MYOM1: variants seen among roughly 807,000 people sequenced by gnomAD.
MYOM1 encodes myomesin-1.
A neutral mutation model predicts 205.3 loss-of-function variants in MYOM1; 164 were observed. That is an observed-to-expected ratio of 0.80 (90% CI 0.70 to 0.91). MYOM1 has a LOEUF of 0.91. Ranked by LOEUF, MYOM1 falls within the 40% of genes least tolerant of loss-of-function variation. The pLI is 0.00. For synonymous variants in MYOM1, 772 were observed against 789.4 expected (o/e 0.98, Z 0.37); for missense variants, 2,011 against 2,127.3 (o/e 0.95, Z 1.08).
chr18:3,088,268 C>G (rs1383734617), intron 29 of MYOM1, among the ~76,000 whole-genome samples: 1 of 152,058 alleles, frequency 6.6e-6, no homozygotes, highest in Non-Finnish European at 1.5e-5. Flanking sequence ...AGGGGCCACG[C>G]AAATGAAGAA....
chr18:3,094,054 A>C (rs1314264315), intron 26 of MYOM1, 116 bp downstream of exon 26: 3 of 1,016,266 alleles, frequency 3.0e-6, no homozygotes, highest in Non-Finnish European at 4.3e-6. Flanking sequence ...GAAGGATTTA[A>C]ACTCTCCCAC....
At chr18:3,121,581 T>C (rs2079692079) in intron 19 of MYOM1, among the ~76,000 whole-genome samples, 1 of 152,130 alleles carries the variant, frequency 6.6e-6, no homozygotes, top group South Asian at 2.1e-4. Context: ...TTAAAAAGAA[T>C]TAAAACACAG....
chr18:3,118,261 C>A (rs2079634067), intron 20 of MYOM1, among the ~76,000 whole-genome samples: 1 of 152,144 alleles, frequency 6.6e-6, no homozygotes, highest in African/African-American at 2.4e-5. Flanking sequence ...GACTGAGAAG[C>A]CAGGGTGTCA....
At chr18:3,155,542 A>T (rs940206190) in intron 10 of MYOM1, among the ~76,000 whole-genome samples, 1 of 152,210 alleles carries the variant, frequency 6.6e-6, no homozygotes, top group Non-Finnish European at 1.5e-5. Flanking sequence ...CTATTTGTTG[A>T]CCAACATAAC....
At chr18:3,199,151 C>G (rs2081033009) in intron 2 of MYOM1, among the ~76,000 whole-genome samples, 2 of 152,142 alleles carry the variant, frequency 1.3e-5, no homozygotes, top group African/African-American at 4.8e-5. Flanking sequence ...GTAGTTCAAC[C>G]AAGATGAGAA....
the MYOM1 span, among the ~76,000 whole-genome samples, chr18:3,235,455 G>A: frequency 6.6e-6 from 1 of 152,314 alleles, no homozygotes; most frequent in African/African-American, 2.4e-5. Context: ...TACTTAAAAT[G>A]TATGCATGGC....
chr18:3,127,748 G>A (rs2079816318), intron 18 of MYOM1, among the ~76,000 whole-genome samples: 1 of 152,158 alleles, frequency 6.6e-6, no homozygotes, highest in Admixed American at 6.5e-5. Flanking sequence ...GACAGCTTTA[G>A]AAAACATTTT....
the MYOM1 span, among the ~76,000 whole-genome samples, chr18:3,239,920 T>C: frequency 2.0e-5 from 3 of 152,278 alleles, no homozygotes; most frequent in East Asian, 3.9e-4. Flanking sequence ...AGAATTCATA[T>C]ATTTATTAGT....
At chr18:3,148,844 CAAAAAAA>C (rs71159049) in intron 13 of MYOM1, among the ~76,000 whole-genome samples, 424 of 47,934 alleles carry the variant, frequency 8.8e-3, no homozygotes, top group African/African-American at 0.027. Flanking sequence ...AGACTCCATC[CAAAAAAA>C]AAAAAAAAAA....
At chr18:3,129,616 A>T in intron 17 of MYOM1, 97 bp from the exon 18 acceptor site, 1 of 1,327,312 alleles carries the variant, frequency 7.5e-7, no homozygotes, top group Non-Finnish European at 1.0e-6. Context: ...TAGGACCACA[A>T]GCAGAACAAA....
At chr18:3,140,332 G>A (rs2080030205) in intron 14 of MYOM1, among the ~76,000 whole-genome samples, 1 of 151,982 alleles carries the variant, frequency 6.6e-6, no homozygotes, top group Admixed American at 6.5e-5. Context: ...GCTTAAACCA[G>A]GGAGGCGGAG....
At chr18:3,134,897 C>T in intron 15 of MYOM1, 73 bp from the exon 16 acceptor site, 2 of 1,438,572 alleles carry the variant, frequency 1.4e-6, no homozygotes, top group African/African-American at 1.4e-5. Context: ...TGCACAAACA[C>T]ACACCTAGGT....
At chr18:3,207,657 G>C (rs1019285875) in intron 2 of MYOM1, among the ~76,000 whole-genome samples, 2 of 152,192 alleles carry the variant, frequency 1.3e-5, no homozygotes, top group South Asian at 2.1e-4. Context: ...AGGTCTCTCT[G>C]TGGAAGCTCA....
intron 37 of MYOM1, among the ~76,000 whole-genome samples, chr18:3,071,068 A>G (rs1297543226): frequency 2.0e-5 from 3 of 152,280 alleles, no homozygotes; most frequent in East Asian, 1.9e-4. Flanking sequence ...CTAGGGGCAC[A>G]TGCTCTCAGG....
At chr18:3,133,015 A>G (rs1201157580) in intron 16 of MYOM1, among the ~76,000 whole-genome samples, 2 of 152,062 alleles carry the variant, frequency 1.3e-5, no homozygotes, top group Non-Finnish European at 2.9e-5. Context: ...GCTTTGCTTC[A>G]GCAAAGATTT....
Position 3,176,153 on chromosome 18 carries a change from A to C in MYOM1, c.930-19T>G. 3 of 1,453,188 alleles carry C rather than the reference A, an allele frequency of 2.1e-6. No individual in the cohort carries two copies. The highest frequency in any genetic ancestry group is 2.9e-6 in the Non-Finnish European group (3 of 1,035,792). 90.0% of individuals were successfully genotyped at this position (1,453,188 alleles called of 1,614,324 possible). ...TTTATACCTATAACAGAATGGAAAC[A>C]AAATGAAGTAAGTTGAAGTGTAAAC... On this transcript the variant is annotated intron_variant, in intron 5 of 37. Transcript: ENST00000356443.
Position 3,135,546 on chromosome 18 carries a change from C to T in MYOM1, c.2209+1G>A, listed in dbSNP as rs1264454520. The T allele has an allele frequency of 1.9e-6, 3 of 1,611,628 alleles. No individual in the cohort carries two copies. Among genetic ancestry groups the T allele is most frequent in the South Asian group, 2.2e-5 (2 of 90,836 alleles). On this transcript the variant is annotated splice_donor_variant, in intron 15 of 37. Transcript: ENST00000356443. LOFTEE classifies it high-confidence loss of function. The surrounding 1 kb of genome is among the most constrained non-coding windows in gnomAD (Gnocchi z 4.1). ...AGTAAAAGAAGTTTACAGTTGCTTACCAAGTTTGTCCCCTACCACAGTCAC... is the reference window on the plus strand; with the variant it reads ...AGTAAAAGAAGTTTACAGTTGCTTATCAAGTTTGTCCCCTACCACAGTCAC...
At chr18:3,116,923 G>A (rs1170309470) in intron 20 of MYOM1, among the ~76,000 whole-genome samples, 2 of 152,052 alleles carry the variant, frequency 1.3e-5, no homozygotes, top group East Asian at 3.9e-4. Flanking sequence ...GTGGTGTGAT[G>A]GTAGCTCACT....
intron 29 of MYOM1, among the ~76,000 whole-genome samples, chr18:3,088,830 G>A (rs1306492137): frequency 6.6e-6 from 1 of 152,156 alleles, no homozygotes; most frequent in Non-Finnish European, 1.5e-5. Context: ...ACGAAACATT[G>A]CAGCTGGAGT....
Sources: allele counts gnomAD v4.1 joint callset (sites outside exome capture counted in the v4.1 genomes callset), GRCh38; gene constraint gnomAD v4.1.1; non-coding constraint Gnocchi (gnomAD v3.1); transcripts MANE v1.5; gene names NCBI Gene and HGNC (gene_info 2026-07-23, HGNC 2026-07-21).